NECTIN3: variants seen among roughly 807,000 people sequenced by gnomAD.
The protein encoded by NECTIN3 is nectin cell adhesion molecule 3.
NECTIN3 carries 8 observed loss-of-function variants against 49.4 expected under a neutral mutation model. The ratio of observed to expected loss-of-function variants is 0.16; its 90% CI spans 0.10 to 0.29. NECTIN3 has a LOEUF of 0.29. Ranked by LOEUF, NECTIN3 falls within the 10% of genes least tolerant of loss-of-function variation. The pLI, the probability that NECTIN3 is intolerant of heterozygous loss-of-function variation, is 1.00. For synonymous variants in NECTIN3, 277 were observed against 241.1 expected (o/e 1.15, Z -1.38); for missense variants, 581 against 654.6 (o/e 0.89, Z 1.23).
At chr3:111,160,095 T>C (rs1200982796) in intron 7 of NECTIN3, among the ~76,000 whole-genome samples, 2 of 152,302 alleles carry the variant, frequency 1.3e-5, no homozygotes, top group African/African-American at 4.8e-5. Context: ...ATATTCCTTA[T>C]GAAATATGTT....
intron 7 of NECTIN3, among the ~76,000 whole-genome samples, chr3:111,170,995 C>T (rs1385103040): frequency 2.0e-5 from 3 of 152,116 alleles, no homozygotes; most frequent in Admixed American, 6.5e-5. Flanking sequence ...TGCCTACCAA[C>T]CAAGAGAACA....
At chr3:111,159,482 G>A (rs756600962) in intron 7 of NECTIN3, among the ~76,000 whole-genome samples, 1 of 151,888 alleles carries the variant, frequency 6.6e-6, no homozygotes, top group Non-Finnish European at 1.5e-5. Flanking sequence ...AGTTTTTTTT[G>A]TTTGTTTTTT....
At chr3:111,131,914 T>C (rs1041447487) in intron 5 of NECTIN3, among the ~76,000 whole-genome samples, 2 of 151,938 alleles carry the variant, frequency 1.3e-5, no homozygotes, top group East Asian at 3.8e-4. Flanking sequence ...TTAAATATGC[T>C]GATGCCAGTT....
At chr3:111,132,964 A>AT in intron 5 of NECTIN3, among the ~76,000 whole-genome samples, 1 of 151,830 alleles carries the variant, frequency 6.6e-6, no homozygotes, top group Admixed American at 6.6e-5. Context: ...ATGCTTTTTT[A>AT]TTTTTTTAAA....
At chr3:111,111,219 T>G (rs1365842853) in intron 1 of NECTIN3, among the ~76,000 whole-genome samples, 1 of 152,128 alleles carries the variant, frequency 6.6e-6, no homozygotes, top group Non-Finnish European at 1.5e-5. Context: ...AATGTTAGCT[T>G]TATATCCCTC....
intron 1 of NECTIN3, among the ~76,000 whole-genome samples, chr3:111,080,461 T>A (rs796655113): frequency 7.9e-5 from 12 of 152,246 alleles, no homozygotes; most frequent in African/African-American, 2.9e-4. Context: ...AATTTGAAGT[T>A]CCCTAAGAAA....
At chr3:111,185,155 G>A (rs1398076064) in intron 7 of NECTIN3, among the ~76,000 whole-genome samples, 1 of 152,056 alleles carries the variant, frequency 6.6e-6, no homozygotes, top group Admixed American at 6.6e-5. Context: ...GTGTGTCTTT[G>A]TCTTCTTCAG....
rs146070343 is a variant in NECTIN3 at position 111,164,550 on chromosome 3, C to T, written c.1221+17066C>T. 9.0e-3 allele frequency among the ~76,000 whole-genome samples: 1,368 copies of T among 152,280 alleles called. 21 individuals carry two copies. Among genetic ancestry groups the T allele is most frequent in the Middle Eastern group, 0.041 (12 of 294 alleles). ...AACAGAAATTTATTGTCTCACAATT[C>T]TGGAGGCAGAAATCCCAAATCAAGG... On this transcript the variant is annotated intron_variant, in intron 7 of 8. Transcript: ENST00000493615.
chr3:111,165,347 T>G (rs746598055), intron 7 of NECTIN3, among the ~76,000 whole-genome samples: 3 of 151,914 alleles, frequency 2.0e-5, no homozygotes, highest in Non-Finnish European at 4.4e-5. Flanking sequence ...CCGGCCAGAT[T>G]TTTTTTTAAA....
At chr3:111,113,773 C>A (rs932320296) in intron 2 of NECTIN3, among the ~76,000 whole-genome samples, 2 of 152,056 alleles carry the variant, frequency 1.3e-5, no homozygotes, top group African/African-American at 4.8e-5. Flanking sequence ...CACTTGAGGC[C>A]AGGAGTACAA....
chr3:111,121,443 A>G (rs1462598464), intron 3 of NECTIN3, among the ~76,000 whole-genome samples: 2 of 152,178 alleles, frequency 1.3e-5, no homozygotes, highest in African/African-American at 4.8e-5. Flanking sequence ...GTAGATATGG[A>G]TAATTGCTCA....
rs1326930569 is a variant in NECTIN3 at position 111,165,954 on chromosome 3, A to G, written c.1221+18470A>G. 4.6e-5 allele frequency among the ~76,000 whole-genome samples: 7 copies of G among 152,326 alleles called. No homozygotes were observed. In the East Asian group the frequency reaches 1.3e-3, roughly 29 times the overall value. ...CAAAAAAGTTTTCCTGAGCTGCTAA[A>G]TGTGGCAAAATTAGGTGCTTCTTGT... is the stretch of plus-strand genomic sequence containing the variant. On this transcript the variant is annotated intron_variant, in intron 7 of 8. Transcript: ENST00000493615.
chr3:111,162,203 T>TA (rs1226730485), intron 7 of NECTIN3, among the ~76,000 whole-genome samples: 9 of 151,480 alleles, frequency 5.9e-5, no homozygotes, highest in South Asian at 2.1e-4. Flanking sequence ...ACACTGCCTT[T>TA]AAAAAAAAAT....
chr3:111,105,979 G>A (rs1005649449), intron 1 of NECTIN3, among the ~76,000 whole-genome samples: 15 of 143,400 alleles, frequency 1.0e-4, no homozygotes, highest in African/African-American at 3.6e-4. Context: ...TTACTTACCA[G>A]TGCTTTTTTT....
At position 111,135,822 on chromosome 3, in the gene NECTIN3, A is replaced by AT. The variant is rs1323046379; in HGVS notation, c.*1611dup. ...GAAGGATTATAAACTAGTTTTCTTCATTTTAACTAGCACTATTTTGTGGAA... is the reference window on the plus strand; with the variant it reads ...GAAGGATTATAAACTAGTTTTCTTCATTTTTAACTAGCACTATTTTGTGGAA... On this transcript the variant is annotated 3_prime_UTR_variant, in exon 6 of 6. Coordinates refer to ENST00000485303, the MANE Select transcript of NECTIN3 (RefSeq NM_015480.3). The AT allele has an allele frequency of 3.2e-6, 3 of 931,874 alleles. No homozygotes were observed. Among genetic ancestry groups the AT allele is most frequent in the Non-Finnish European group, 3.8e-6 (3 of 781,786 alleles). 57.7% of individuals were successfully genotyped at this position (931,874 alleles called of 1,614,324 possible).
At chr3:111,143,168 T>G (rs2034791951) in intron 5 of NECTIN3, among the ~76,000 whole-genome samples, 1 of 151,896 alleles carries the variant, frequency 6.6e-6, no homozygotes, top group Non-Finnish European at 1.5e-5. Context: ...CTCTCACATT[T>G]ACAAGTGCAG....
downstream of NECTIN3, among the ~76,000 whole-genome samples, chr3:111,138,174 C>T (rs552330900): frequency 6.6e-6 from 1 of 151,504 alleles, no homozygotes; most frequent in East Asian, 1.9e-4. Flanking sequence ...TTAGAAATGC[C>T]ATTGCTTTGA....
chr3:111,075,463 T>G (rs1429509194), intron 1 of NECTIN3, among the ~76,000 whole-genome samples: 1 of 152,102 alleles, frequency 6.6e-6, no homozygotes, highest in African/African-American at 2.4e-5. Flanking sequence ...CTGATGGAGA[T>G]CTTGTGAGAA....
intron 5 of NECTIN3, 57 bp from the exon 6 acceptor site, chr3:111,133,578 C>T: frequency 1.3e-6 from 2 of 1,547,832 alleles, no homozygotes; most frequent in Non-Finnish European, 1.7e-6. Context: ...GCTGAATCAG[C>T]CTGCATTGAC....
Sources: gnomAD v4.1 joint callset for allele counts (sites outside exome capture counted in the v4.1 genomes callset) on GRCh38, gnomAD v4.1.1 for gene constraint, MANE v1.5 for transcripts, NCBI Gene and HGNC (gene_info 2026-07-23, HGNC 2026-07-21) for gene names.